Variants in LUZP2 observed in about 807,000 individuals in gnomAD.
The protein encoded by LUZP2 is leucine zipper protein 2.
LUZP2 carries 52 observed loss-of-function variants against 51.6 expected under a neutral mutation model. The ratio of observed to expected loss-of-function variants is 1.01; its 90% confidence interval spans 0.81 to 1.27. LUZP2 has a LOEUF of 1.27. Ranked by LOEUF, LUZP2 falls within the 50% of genes most tolerant of loss-of-function variation. LUZP2 has a pLI of 0.00. For synonymous variants in LUZP2, 154 were observed against 137.3 expected, an observed-to-expected ratio of 1.12 and a Z score of -0.85; for missense variants, 436 against 395.4, an observed-to-expected ratio of 1.10 and a Z score of -0.87.
chr11:25,054,752 A>G (rs925051205), intron 10 of LUZP2, among the ~76,000 whole-genome samples: 2 of 151,896 alleles, frequency 1.3e-5, no homozygotes, highest in Admixed American at 6.6e-5. Flanking sequence ...GTAGGTGTAT[A>G]TATTTATGGG....
At chr11:24,719,816 C>A (rs999260342) in intron 1 of LUZP2, among the ~76,000 whole-genome samples, 1 of 152,204 alleles carries the variant, frequency 6.6e-6, no homozygotes, top group Non-Finnish European at 1.5e-5. Context: ...TGCTAATTCT[C>A]TTAGATCCCT....
intron 10 of LUZP2, among the ~76,000 whole-genome samples, chr11:25,066,175 T>G (rs1004750426): frequency 9.5e-6 from 1 of 105,064 alleles, no homozygotes; most frequent in Non-Finnish European, 2.1e-5. Context: ...ATTTTGTGAC[T>G]GAAAAAATCT....
intron 9 of LUZP2, among the ~76,000 whole-genome samples, chr11:24,985,143 G>A (rs943491366): frequency 7.9e-5 from 12 of 151,668 alleles, no homozygotes; most frequent in African/African-American, 2.7e-4. Context: ...CAACTACATT[G>A]TTTTTCTTCT....
intron 4 of LUZP2, among the ~76,000 whole-genome samples, chr11:24,762,113 A>G (rs994394869): frequency 6.6e-6 from 1 of 152,040 alleles, no homozygotes; most frequent in African/African-American, 2.4e-5. Context: ...TCTTTTCTTC[A>G]TGTTTGAAAT....
In LUZP2 at chr11:24,954,352, C is replaced by T. The variant is rs190281155; in HGVS notation, c.523-22239C>T. Among the ~76,000 whole-genome samples the T allele has an allele frequency of 2.0e-3, 309 of 152,092 alleles. 2 individuals carry two copies. Among genetic ancestry groups the T allele is most frequent in the African/African-American group, 7.1e-3 (293 of 41,502 alleles). ...GTGGAGCATGACACTTTCCACAGTG[C>T]ACCTCTTCCCCTTCTTTGGGTACAG... is the stretch of plus-strand genomic sequence containing the variant. On this transcript the variant is annotated intron_variant, in intron 7 of 11. Transcript: ENST00000336930.
chr11:24,530,119 C>T (rs1300406427), intron 1 of LUZP2, among the ~76,000 whole-genome samples: 1 of 150,716 alleles, frequency 6.6e-6, no homozygotes, highest in Non-Finnish European at 1.5e-5. Flanking sequence ...AATTTACATA[C>T]TAGTACCTTT....
intron 5 of LUZP2, among the ~76,000 whole-genome samples, chr11:24,806,828 A>G (rs1210091963): frequency 1.3e-5 from 2 of 152,080 alleles, no homozygotes; most frequent in Non-Finnish European, 2.9e-5. Flanking sequence ...CTCTCCTCAG[A>G]AGGGTAACTC....
chr11:24,922,312 G>A (rs539165357), intron 7 of LUZP2, among the ~76,000 whole-genome samples: 2 of 152,076 alleles, frequency 1.3e-5, no homozygotes. Flanking sequence ...TACCTCTATT[G>A]TCATCTGCTC....
intron 1 of LUZP2, among the ~76,000 whole-genome samples, chr11:24,546,623 C>A (rs1851552743): frequency 6.6e-6 from 1 of 151,608 alleles, no homozygotes; most frequent in African/African-American, 2.4e-5. Flanking sequence ...GGGATAAAGC[C>A]CACTTTACTG....
intron 4 of LUZP2, among the ~76,000 whole-genome samples, chr11:24,741,048 C>A (rs1292805018): frequency 6.6e-6 from 1 of 151,968 alleles, no homozygotes; most frequent in Non-Finnish European, 1.5e-5. Flanking sequence ...AGAATGCATA[C>A]CTAATAAAAG....
chr11:24,807,932 A>G (rs73426010), intron 5 of LUZP2, among the ~76,000 whole-genome samples: 2,544 of 152,238 alleles, frequency 0.017, 75 homozygotes, highest in African/African-American at 0.058. Flanking sequence ...GATCAGAAGA[A>G]AATTAAAAGC....
At chr11:24,962,281 C>T (rs910349520) in intron 7 of LUZP2, among the ~76,000 whole-genome samples, 26 of 152,130 alleles carry the variant, frequency 1.7e-4, no homozygotes, top group African/African-American at 6.0e-4. Context: ...TTGTGGCATT[C>T]TCTGTATTTC....
At chr11:24,772,175 T>C (rs977896849) in intron 5 of LUZP2, among the ~76,000 whole-genome samples, 11 of 152,154 alleles carry the variant, frequency 7.2e-5, no homozygotes, top group Non-Finnish European at 1.6e-4. Context: ...GAAGAAGTCC[T>C]TGACTAAAAT....
chr11:24,774,062 GA>G (rs1565130970), intron 5 of LUZP2, among the ~76,000 whole-genome samples: 1 of 151,926 alleles, frequency 6.6e-6, no homozygotes, highest in Non-Finnish European at 1.5e-5. Flanking sequence ...AGCGGGCTGG[GA>G]AAGGCAGACC....
Position 24,926,358 on chromosome 11 carries a change from TGTGTATATATATATAC to T in LUZP2, c.522+11825_522+11840del, listed in dbSNP as rs1565119332. Among the ~76,000 whole-genome samples, 146 of 121,088 alleles carry T rather than the reference TGTGTATATATATATAC, an allele frequency of 1.2e-3. 22 individuals carry two copies. The East Asian group carries it at 0.026, about 22-fold the overall frequency. The allele number at this position is 121,088 out of a possible 152,430, so 79.4% of individuals were successfully genotyped here. A position where few individuals can be genotyped will look rare whatever the true frequency, so the allele number is the denominator to read the frequency against. On this transcript the variant is annotated intron_variant, in intron 7 of 11. Coordinates refer to ENST00000336930, the MANE Select transcript of LUZP2 (RefSeq NM_001009909.4). The stretch of plus-strand genomic sequence containing the variant: ...ATATATACGTGTGTATATATATACG[TGTGTATATATATATAC>T]GTGTGTATATATATACGTGTGTATA...
intron 1 of LUZP2, among the ~76,000 whole-genome samples, chr11:24,622,623 T>C (rs934365548): frequency 2.0e-5 from 3 of 152,188 alleles, no homozygotes; most frequent in Non-Finnish European, 4.4e-5. Flanking sequence ...AACTTAGTTC[T>C]CAGTTTCAAA....
At chr11:24,926,251 A>G (rs1171538887) in intron 7 of LUZP2, among the ~76,000 whole-genome samples, 1 of 145,810 alleles carries the variant, frequency 6.9e-6, no homozygotes, top group Non-Finnish European at 1.5e-5. Flanking sequence ...GTGTATATAT[A>G]TACGTGTGTG....
intron 5 of LUZP2, chr11:24,786,676 ATTATGTATTTAT>A: frequency 6.7e-6 from 1 of 149,122 alleles, no homozygotes; most frequent in Non-Finnish European, 1.5e-5. Context: ...AAATATGTAT[ATTATGTATTTAT>A]ATATAAATAT....
intron 1 of LUZP2, among the ~76,000 whole-genome samples, chr11:24,518,725 C>T (rs1850553575): frequency 6.6e-6 from 1 of 152,142 alleles, no homozygotes; most frequent in Non-Finnish European, 1.5e-5. Flanking sequence ...ACCAAAAATT[C>T]TCTGAAAAAG....
Sources: gnomAD v4.1 joint callset for allele counts (sites outside exome capture counted in the v4.1 genomes callset) on GRCh38, gnomAD v4.1.1 for gene constraint, MANE v1.5 for transcripts, NCBI Gene and HGNC (gene_info 2026-07-23, HGNC 2026-07-21) for gene names.